Variants in PTPRD observed in about 807,000 individuals in gnomAD.
PTPRD encodes protein tyrosine phosphatase receptor type D, also known as receptor-type tyrosine-protein phosphatase delta.
A neutral mutation model predicts 214.5 loss-of-function variants in PTPRD; 34 were observed. The ratio of observed to expected loss-of-function variants is 0.16; its 90% CI spans 0.12 to 0.21. PTPRD has a LOEUF of 0.21. Ranked by LOEUF, PTPRD falls within the 10% of genes least tolerant of loss-of-function variation. The pLI, the probability that PTPRD is intolerant of heterozygous loss-of-function variation, is 1.00. For missense variants in PTPRD, 2,545 were observed against 2,398.7 expected, an observed-to-expected ratio of 1.06 and a Z score of -1.27; for synonymous variants, 1,128 against 845.7, an observed-to-expected ratio of 1.33 and a Z score of -5.79.
chr9:9,729,889 C>G (rs990556880), intron 7 of PTPRD, among the ~76,000 whole-genome samples: 1 of 151,986 alleles, frequency 6.6e-6, no homozygotes, highest in Non-Finnish European at 1.5e-5. Flanking sequence ...GCAGTAATAA[C>G]AACTTTAATA....
Position 8,961,355 on chromosome 9 carries a change from T to G in PTPRD, c.-104+57342A>C, listed in dbSNP as rs1361303458. Reference sequence around the variant, plus strand: ...CCAAAGGCCACTTGAGGTCTTACATTCTTTCCCCGTGTCATCATGGTCATT... The same window carrying G: ...CCAAAGGCCACTTGAGGTCTTACATGCTTTCCCCGTGTCATCATGGTCATT... On this transcript the variant is annotated intron_variant, in intron 11 of 45. Coordinates refer to ENST00000381196, the MANE Select transcript of PTPRD (RefSeq NM_002839.4). Among the ~76,000 whole-genome samples the G allele has an allele frequency of 3.9e-5, 6 of 152,138 alleles. No individual in the cohort carries two copies. In the East Asian group the frequency reaches 1.2e-3, roughly 29 times the overall value.
chr9:10,597,514 T>C (rs1173813363), intron 2 of PTPRD, among the ~76,000 whole-genome samples: 3 of 151,802 alleles, frequency 2.0e-5, no homozygotes, highest in Non-Finnish European at 4.4e-5. Context: ...AAAAATGCAG[T>C]TGGGCTTCAT....
intron 11 of PTPRD, among the ~76,000 whole-genome samples, chr9:8,908,004 T>A (rs1490022959): frequency 1.3e-5 from 2 of 152,108 alleles, no homozygotes; most frequent in East Asian, 3.8e-4. Context: ...AACAGTATGG[T>A]CACACAGTTG....
At chr9:9,086,771 C>G (rs1308436030) in intron 10 of PTPRD, among the ~76,000 whole-genome samples, 3 of 151,938 alleles carry the variant, frequency 2.0e-5, no homozygotes, top group Non-Finnish European at 4.4e-5. Context: ...TGGGCAAATG[C>G]TTTTTTAAAA....
chr9:10,089,426 T>C (rs1278030417), intron 3 of PTPRD, among the ~76,000 whole-genome samples: 1 of 151,572 alleles, frequency 6.6e-6, no homozygotes, highest in African/African-American at 2.4e-5. Context: ...AAAAAAATGT[T>C]CTGACACAGT....
At position 8,346,532 on chromosome 9, in the gene PTPRD, C is replaced by T. The variant is rs75542565; in HGVS notation, c.4662-4554G>A. Among the ~76,000 whole-genome samples, 810 of 152,216 alleles carry T rather than the reference C, an allele frequency of 5.3e-3. 7 individuals carry two copies. Among genetic ancestry groups the T allele is most frequent in the African/African-American group, 0.018 (748 of 41,546 alleles). ...CTGAAAAGTGTGGTGAAATCTCAAG[C>T]CCTCCCTTTCCATCCAGCCCAGGGT... On this transcript the variant is annotated intron_variant, in intron 39 of 45. Coordinates refer to ENST00000381196, the MANE Select transcript of PTPRD (RefSeq NM_002839.4).
At chr9:10,443,845 T>TCACA (rs141638837) in intron 2 of PTPRD, among the ~76,000 whole-genome samples, 5,191 of 148,696 alleles carry the variant, frequency 0.035, 176 homozygotes, top group South Asian at 0.12. Flanking sequence ...TACCTCAAAT[T>TCACA]CACACACACA....
intron 11 of PTPRD, among the ~76,000 whole-genome samples, chr9:8,793,811 T>C (rs1290989585): frequency 6.6e-6 from 1 of 152,210 alleles, no homozygotes; most frequent in East Asian, 1.9e-4. Flanking sequence ...AAGTGTGCTA[T>C]AGATACACTA....
rs753684147 is a variant in PTPRD, at chr9:8,733,811, GAGC to G, written c.30_32del (p.Leu12del). 1.9e-6 allele frequency: 3 copies of G among 1,552,972 alleles called. No individual in the cohort carries two copies. Among genetic ancestry groups the G allele is most frequent in the Admixed American group, 3.9e-5 (2 of 51,220 alleles). The stretch of plus-strand genomic sequence containing the variant: ...CATCCGTGCGGAGGAAGAAAGTGAG[GAGC>G]AGCAGCAGCAGCCTGGCTACGTGCA... On this transcript the variant is annotated inframe_deletion, in exon 12 of 46. Coordinates refer to ENST00000381196, the MANE Select transcript of PTPRD (RefSeq NM_002839.4).
chr9:9,684,693 T>TTGTGTGTGTGTGTGTGTGTGTG (rs138242584), intron 7 of PTPRD, among the ~76,000 whole-genome samples: 51 of 149,146 alleles, frequency 3.4e-4, no homozygotes, highest in African/African-American at 1.2e-3. Context: ...AATACAGCAT[T>TTGTGTGTGTGTGTGTGTGTGTG]TGTGTGTGTG....
At chr9:10,236,930 G>C (rs959699418) in intron 3 of PTPRD, among the ~76,000 whole-genome samples, 1 of 151,766 alleles carries the variant, frequency 6.6e-6, no homozygotes, top group Non-Finnish European at 1.5e-5. Context: ...TCTTTGGTGG[G>C]GGGGCTGAAA....
intron 9 of PTPRD, among the ~76,000 whole-genome samples, chr9:9,366,427 G>C (rs2057908384): frequency 6.6e-6 from 1 of 151,404 alleles, no homozygotes; most frequent in Admixed American, 6.6e-5. Context: ...TTTCCTGGAG[G>C]TAAATTTTAT....
rs58995675 is a variant in PTPRD at position 9,595,550 on chromosome 9, T to TTG, written c.-286-20771_-286-20770dup. On this transcript the variant is annotated intron_variant, in intron 7 of 45. Coordinates refer to ENST00000381196, the MANE Select transcript of PTPRD (RefSeq NM_002839.4). Reference sequence around the variant, plus strand: ...CACACGTATGCATATGTATGTGTGTTTGTGTGTGTGTGTGTGTGTGTGTGT... The same window carrying TTG: ...CACACGTATGCATATGTATGTGTGTTTGTGTGTGTGTGTGTGTGTGTGTGTGT... Among the ~76,000 whole-genome samples, 396 of 147,414 alleles carry TTG rather than the reference T, an allele frequency of 2.7e-3. 3 individuals are homozygous for TTG. The highest frequency in any genetic ancestry group is 9.2e-3 in the African/African-American group (362 of 39,540).
At chr9:9,666,407 A>G (rs1339631775) in intron 7 of PTPRD, among the ~76,000 whole-genome samples, 1 of 151,982 alleles carries the variant, frequency 6.6e-6, no homozygotes. Flanking sequence ...AAATTTGTCT[A>G]TCTTTCGTAG....
At chr9:10,490,424 G>A (rs2132646726) in intron 2 of PTPRD, among the ~76,000 whole-genome samples, 1 of 152,128 alleles carries the variant, frequency 6.6e-6, no homozygotes, top group Non-Finnish European at 1.5e-5. Flanking sequence ...CCTAATAGAA[G>A]GTCTTGTATA....
At chr9:9,263,841 C>G (rs745804561) in intron 9 of PTPRD, among the ~76,000 whole-genome samples, 3 of 151,566 alleles carry the variant, frequency 2.0e-5, no homozygotes, top group Non-Finnish European at 4.4e-5. Context: ...GAAAAACTAC[C>G]TATTAGTTAC....
intron 5 of PTPRD, among the ~76,000 whole-genome samples, chr9:9,805,680 T>C (rs887287736): frequency 3.9e-5 from 6 of 152,188 alleles, no homozygotes; most frequent in African/African-American, 1.4e-4. Flanking sequence ...GAAAGCTAGA[T>C]CCTAACTTTT....
intron 8 of PTPRD, among the ~76,000 whole-genome samples, chr9:9,480,548 AT>A (rs1359036146): frequency 9.9e-5 from 15 of 152,144 alleles, no homozygotes; most frequent in African/African-American, 2.7e-4. Context: ...TTTAAAAAAA[AT>A]GTTAGATTTC....
At chr9:10,508,313 T>C (rs1458192722) in intron 2 of PTPRD, among the ~76,000 whole-genome samples, 1 of 152,074 alleles carries the variant, frequency 6.6e-6, no homozygotes, top group African/African-American at 2.4e-5. Context: ...CTGGAGAGGA[T>C]GTGGAGAAAT....
Sources: gnomAD v4.1 joint callset for allele counts (sites outside exome capture counted in the v4.1 genomes callset) on GRCh38, gnomAD v4.1.1 for gene constraint, MANE v1.5 for transcripts, NCBI Gene and HGNC (gene_info 2026-07-23, HGNC 2026-07-21) for gene names.